Variants in KCNH5 observed in about 807,000 individuals in gnomAD.
KCNH5 encodes potassium voltage-gated channel subfamily H member 5, also known as voltage-gated delayed rectifier potassium channel KCNH5.
A neutral mutation model predicts 96.1 loss-of-function variants in KCNH5; 46 were observed. That is an observed-to-expected ratio of 0.48 (90% confidence interval 0.38 to 0.61). The LOEUF is 0.61. KCNH5 is among the 20% of genes least tolerant of loss of function. The probability of loss-of-function intolerance (pLI) is 0.00; values close to 1 mark genes in which losing one functional copy is unlikely to be tolerated. For missense variants in KCNH5, 907 were observed against 1,225.8 expected, an observed-to-expected ratio of 0.74 and a Z score of 3.88; for synonymous variants, 439 against 449.8, an observed-to-expected ratio of 0.98 and a Z score of 0.30.
intron 9 of KCNH5, among the ~76,000 whole-genome samples, chr14:62,787,588 C>T (rs1161623416): frequency 6.6e-6 from 1 of 151,756 alleles, no homozygotes; most frequent in African/African-American, 2.4e-5. Flanking sequence ...AAGAAGATGC[C>T]ATCTGGGACT....
chr14:62,994,152 C>T (rs1890864181), intron 4 of KCNH5, among the ~76,000 whole-genome samples: 1 of 146,852 alleles, frequency 6.8e-6, no homozygotes, highest in Non-Finnish European at 1.5e-5. Flanking sequence ...TGCTCTTGGC[C>T]AAAGAGACTA....
intron 8 of KCNH5, among the ~76,000 whole-genome samples, chr14:62,832,644 T>C (rs1013518301): frequency 2.6e-5 from 4 of 152,190 alleles, no homozygotes; most frequent in East Asian, 1.9e-4. Context: ...TTAGATCATA[T>C]AGTGGTTCTA....
At chr14:62,908,289 CGGGTTTGTTAGTTGTCA>C (rs1163068218) in intron 7 of KCNH5, among the ~76,000 whole-genome samples, 1 of 152,146 alleles carries the variant, frequency 6.6e-6, no homozygotes, top group Non-Finnish European at 1.5e-5. Flanking sequence ...ATGAAGTCAA[CGGGTTTGTTAGTTGTCA>C]GGGGAGCAGA....
intron 8 of KCNH5, among the ~76,000 whole-genome samples, chr14:62,830,632 A>AC (rs1227069436): frequency 6.7e-6 from 1 of 148,770 alleles, no homozygotes; most frequent in African/African-American, 2.4e-5. Context: ...GGAGGAAACC[A>AC]CCCCCCGATC....
chr14:62,831,263 T>C (rs777521632), intron 8 of KCNH5, among the ~76,000 whole-genome samples: 2 of 152,182 alleles, frequency 1.3e-5, no homozygotes, highest in Non-Finnish European at 2.9e-5. Flanking sequence ...TTTGGATAGG[T>C]ATTTCCCAAG....
At position 62,840,566 on chromosome 14, in the gene KCNH5, C is replaced by CTTT. The variant is rs71120238; in HGVS notation, c.1569+9084_1569+9086dup. On this transcript the variant is annotated intron_variant, in intron 8 of 10. Coordinates refer to ENST00000322893, the MANE Select transcript of KCNH5 (RefSeq NM_139318.5). ...TTTGTTTTTCTTTTTTCTTTTTTTT[C>CTTT]TTTTTTTTTTTTTTTTTTTTTTTGA... Among the ~76,000 whole-genome samples the CTTT allele has an allele frequency of 5.2e-3, 396 of 76,376 alleles. 9 individuals carry two copies. The highest frequency in any genetic ancestry group is 8.6e-3 in the Middle Eastern group (1 of 116). 50.1% of individuals were successfully genotyped at this position (76,376 alleles called of 152,430 possible).
chr14:62,860,078 A>C (rs1009241990), intron 7 of KCNH5, among the ~76,000 whole-genome samples: 4 of 152,208 alleles, frequency 2.6e-5, no homozygotes, highest in Non-Finnish European at 5.9e-5. Context: ...ATAGGTCAGA[A>C]AGCACCCAGT....
chr14:62,742,144 A>G (rs1417068996), intron 10 of KCNH5, among the ~76,000 whole-genome samples: 1 of 152,104 alleles, frequency 6.6e-6, no homozygotes, highest in Non-Finnish European at 1.5e-5. Flanking sequence ...GCTTCGGATA[A>G]CTAACGTCCT....
At chr14:62,885,330 C>T (rs1888575051) in intron 7 of KCNH5, among the ~76,000 whole-genome samples, 2 of 152,102 alleles carry the variant, frequency 1.3e-5, no homozygotes, top group Non-Finnish European at 2.9e-5. Context: ...ATTATGATAT[C>T]ACTTATCCTG....
intron 7 of KCNH5, among the ~76,000 whole-genome samples, chr14:62,870,342 T>C (rs76363114): frequency 6.6e-6 from 1 of 152,330 alleles, no homozygotes; most frequent in East Asian, 1.9e-4. Flanking sequence ...ATGGATATTT[T>C]ACCTGCTATA....
intron 10 of KCNH5, among the ~76,000 whole-genome samples, chr14:62,766,917 C>G (rs891620138): frequency 3.3e-5 from 5 of 151,994 alleles, no homozygotes; most frequent in African/African-American, 1.2e-4. Flanking sequence ...CATTGCATGC[C>G]TATATCAAAA....
chr14:62,783,077 A>G (rs1886252371), intron 9 of KCNH5, among the ~76,000 whole-genome samples: 1 of 152,220 alleles, frequency 6.6e-6, no homozygotes, highest in Non-Finnish European at 1.5e-5. Flanking sequence ...GCCACAAGGT[A>G]TCATAAATTT....
intron 10 of KCNH5, among the ~76,000 whole-genome samples, chr14:62,769,397 C>A (rs976919290): frequency 6.6e-6 from 1 of 152,218 alleles, no homozygotes; most frequent in African/African-American, 2.4e-5. Flanking sequence ...ATGTGGCATG[C>A]AGGGTTTTCA....
intron 6 of KCNH5, among the ~76,000 whole-genome samples, chr14:62,979,391 A>G (rs2139566553): frequency 6.6e-6 from 1 of 152,260 alleles, no homozygotes; most frequent in South Asian, 2.1e-4. Context: ...ATAATTACAT[A>G]CACAATATCA....
chr14:62,790,799 C>G (rs192558975), intron 9 of KCNH5, among the ~76,000 whole-genome samples: 1 of 151,590 alleles, frequency 6.6e-6, no homozygotes, highest in African/African-American at 2.4e-5. Flanking sequence ...TATAGAAATG[C>G]TGCTAATTTT....
At chr14:62,886,559 A>C (rs767208032) in intron 7 of KCNH5, among the ~76,000 whole-genome samples, 9 of 152,198 alleles carry the variant, frequency 5.9e-5, no homozygotes, top group Non-Finnish European at 1.5e-5. Context: ...GGTAAAGTGA[A>C]TATTTCTCAT....
chr14:62,802,241 A>G, intron 9 of KCNH5, 88 bp downstream of exon 9: 1 of 1,378,786 alleles, frequency 7.3e-7, no homozygotes, highest in Non-Finnish European at 1.0e-6. Flanking sequence ...TTACCAAACA[A>G]AGGAAATTTC....
rs149296519 is a variant in KCNH5, at chr14:63,025,696, T to C, written c.74-8742A>G. ...CTATACACTGGAAATTGCAAAACAT[T>C]GATAAAAGAAACTGAGGAAGACACA... On this transcript the variant is annotated intron_variant, in intron 1 of 10. Coordinates refer to ENST00000322893, the MANE Select transcript of KCNH5 (RefSeq NM_139318.5). Among the ~76,000 whole-genome samples, 123 of 150,380 alleles carry C rather than the reference T, an allele frequency of 8.2e-4. 1 individual carries two copies. Among genetic ancestry groups the C allele is most frequent in the Admixed American group, 2.8e-3 (42 of 15,138 alleles).
chr14:63,034,114 T>C (rs1891679175), intron 1 of KCNH5, among the ~76,000 whole-genome samples: 1 of 152,080 alleles, frequency 6.6e-6, no homozygotes, highest in Non-Finnish European at 1.5e-5. Context: ...GAGGCGGGGT[T>C]TTACCATGTT....
Sources: gnomAD v4.1 joint callset for allele counts (sites outside exome capture counted in the v4.1 genomes callset) on GRCh38, gnomAD v4.1.1 for gene constraint, MANE v1.5 for transcripts, NCBI Gene and HGNC (gene_info 2026-07-23, HGNC 2026-07-21) for gene names.